LRFN5: variants seen among roughly 807,000 people sequenced by gnomAD.
LRFN5 encodes leucine-rich repeat and fibronectin type-III domain-containing protein 5.
In LRFN5, 24 loss-of-function variants were observed where a neutral mutation model predicts 45.6. The ratio of observed to expected loss-of-function variants is 0.53; its 90% confidence interval spans 0.38 to 0.74. The LOEUF is 0.74. Ranked by LOEUF, LRFN5 falls within the 30% of genes least tolerant of loss-of-function variation. The pLI is 0.00. For missense variants in LRFN5, 776 were observed against 861.5 expected (o/e 0.90, Z 1.24); for synonymous variants, 340 against 313.8 (o/e 1.08, Z -0.88).
At chr14:41,627,946 C>T (rs1888388928) in intron 1 of LRFN5, among the ~76,000 whole-genome samples, 1 of 151,950 alleles carries the variant, frequency 6.6e-6, no homozygotes, top group Non-Finnish European at 1.5e-5. Flanking sequence ...CAATTGATGA[C>T]TGAGGGAATT....
chr14:41,701,949 T>G (rs1439143427), intron 1 of LRFN5, among the ~76,000 whole-genome samples: 1 of 152,076 alleles, frequency 6.6e-6, no homozygotes. Context: ...CTCCCCATCC[T>G]AAAGTATGAG....
intron 1 of LRFN5, among the ~76,000 whole-genome samples, chr14:41,654,854 A>G (rs934700673): frequency 4.6e-5 from 7 of 152,184 alleles, no homozygotes; most frequent in African/African-American, 1.7e-4. Context: ...TTTAGGTCAC[A>G]GAATTATTTT....
intron 1 of LRFN5, among the ~76,000 whole-genome samples, chr14:41,689,226 C>T (rs1882259286): frequency 6.6e-6 from 1 of 151,902 alleles, no homozygotes; most frequent in Non-Finnish European, 1.5e-5. Flanking sequence ...TTGAACACGG[C>T]AAATAGTTGG....
chr14:41,890,706 CAA>C (rs541053292), intron 3 of LRFN5, among the ~76,000 whole-genome samples: 20 of 60,568 alleles, frequency 3.3e-4, no homozygotes, highest in Non-Finnish European at 5.5e-4. Flanking sequence ...GACTCCGTCT[CAA>C]AAAAAAAAAA....
intron 1 of LRFN5, among the ~76,000 whole-genome samples, chr14:41,610,683 A>AAAAAAAAAAAAAAAAAAAAAT (rs1887720009): frequency 6.9e-6 from 1 of 144,660 alleles, no homozygotes; most frequent in African/African-American, 2.5e-5. Flanking sequence ...AAAAAAAAAA[A>AAAAAAAAAAAAAAAAAAAAAT]GTGTATTGCC....
intron 2 of LRFN5, among the ~76,000 whole-genome samples, chr14:41,883,194 ATTCT>A (rs1890448600): frequency 6.8e-6 from 1 of 146,412 alleles, no homozygotes; most frequent in African/African-American, 2.5e-5. Flanking sequence ...TGGAAGTTAG[ATTCT>A]TTAAGTTTCT....
chr14:41,711,797 A>C (rs531997029), intron 1 of LRFN5, among the ~76,000 whole-genome samples: 1 of 152,218 alleles, frequency 6.6e-6, no homozygotes, highest in South Asian at 2.1e-4. Flanking sequence ...ACCAAGAAGA[A>C]GTCAAAGAAA....
At chr14:41,751,429 A>T (rs1257179116) in intron 1 of LRFN5, among the ~76,000 whole-genome samples, 1 of 152,092 alleles carries the variant, frequency 6.6e-6, no homozygotes, top group South Asian at 2.1e-4. Context: ...ACATATATAT[A>T]TTTTTCATTC....
intron 1 of LRFN5, among the ~76,000 whole-genome samples, chr14:41,622,558 G>C (rs546779043): frequency 6.5e-4 from 99 of 151,922 alleles, no homozygotes; most frequent in African/African-American, 2.3e-3. Context: ...ATATTGTACT[G>C]TTCATAATTA....
At chr14:41,674,408 C>A (rs1462778239) in intron 1 of LRFN5, among the ~76,000 whole-genome samples, 2 of 118,434 alleles carry the variant, frequency 1.7e-5, no homozygotes, top group South Asian at 6.4e-4. Context: ...CCGGACGGGG[C>A]GGCTGGCCGG....
rs199620725 is a variant in LRFN5 at position 41,627,886 on chromosome 14, AT to A, written c.-197+19333del. 8.3e-3 allele frequency among the ~76,000 whole-genome samples: 1,257 copies of A among 151,316 alleles called. 18 individuals carry two copies. The highest frequency in any genetic ancestry group is 0.027 in the African/African-American group (1,121 of 41,306). On this transcript the variant is annotated intron_variant, in intron 1 of 5. Transcript: ENST00000298119. ...TTATATATCACTTGAAATTGTATAC[AT>A]TTTTTTTTCTCTTGAGAAACAATGA...
At chr14:41,793,336 T>A (rs1335576143) in intron 2 of LRFN5, among the ~76,000 whole-genome samples, 1 of 151,960 alleles carries the variant, frequency 6.6e-6, no homozygotes, top group Non-Finnish European at 1.5e-5. Flanking sequence ...TGAGATAAAA[T>A]GCACTCTGTG....
intron 2 of LRFN5, among the ~76,000 whole-genome samples, chr14:41,871,875 A>G (rs920364382): frequency 5.3e-5 from 8 of 152,198 alleles, no homozygotes; most frequent in Non-Finnish European, 7.3e-5. Context: ...GCTAAAGTTG[A>G]GGACATTAGC....
At chr14:41,866,715 G>C (rs559377858) in intron 2 of LRFN5, among the ~76,000 whole-genome samples, 2 of 152,140 alleles carry the variant, frequency 1.3e-5, no homozygotes, top group South Asian at 4.1e-4. Flanking sequence ...AGCCAAACAG[G>C]CAAGCTCCTT....
intron 2 of LRFN5, among the ~76,000 whole-genome samples, chr14:41,821,777 ATTT>A (rs112591355): frequency 2.3e-5 from 1 of 44,290 alleles, no homozygotes; most frequent in African/African-American, 5.5e-5. Context: ...TGGGGGAGGG[ATTT>A]TTTTTTTTAA....
intron 1 of LRFN5, among the ~76,000 whole-genome samples, chr14:41,655,027 G>C (rs1337314845): frequency 6.6e-6 from 1 of 152,004 alleles, no homozygotes; most frequent in Non-Finnish European, 1.5e-5. Flanking sequence ...CATCTCTAAA[G>C]GATGTATACT....
At chr14:41,689,602 T>C (rs1882274225) in intron 1 of LRFN5, among the ~76,000 whole-genome samples, 1 of 152,136 alleles carries the variant, frequency 6.6e-6, no homozygotes, top group Non-Finnish European at 1.5e-5. Flanking sequence ...ATTAGTATTT[T>C]AAAAATTACT....
intron 5 of LRFN5, among the ~76,000 whole-genome samples, chr14:41,900,891 G>A (rs555549908): frequency 3.3e-5 from 5 of 152,212 alleles, no homozygotes; most frequent in Non-Finnish European, 7.4e-5. Context: ...AATGAACAGA[G>A]GTGGAGAGCG....
intron 1 of LRFN5, among the ~76,000 whole-genome samples, chr14:41,643,998 A>G (rs1485516887): frequency 6.6e-6 from 1 of 152,188 alleles, no homozygotes; most frequent in African/African-American, 2.4e-5. Context: ...ACCCTTTATA[A>G]CATGTGGTAA....
Sources: allele counts gnomAD v4.1 joint callset (sites outside exome capture counted in the v4.1 genomes callset), GRCh38; gene constraint gnomAD v4.1.1; transcripts MANE v1.5; gene names NCBI Gene and HGNC (gene_info 2026-07-23, HGNC 2026-07-21).